The following IRGM variants were observed in gnomAD, a reference collection of about 807,000 sequenced individuals.
IRGM encodes immunity related GTPase M, also known as immunity-related GTPase family M protein.
For synonymous variants in IRGM, 98 were observed against 80.6 expected, an observed-to-expected ratio of 1.22 and a Z score of -1.16; for missense variants, 288 against 219.9, an observed-to-expected ratio of 1.31 and a Z score of -1.96.
chr5:150,869,869 G>C (rs1018336888), intron 1 of IRGM, among the ~76,000 whole-genome samples: 20 of 152,098 alleles, frequency 1.3e-4, no homozygotes, highest in African/African-American at 3.9e-4. Flanking sequence ...AAGAGGATCA[G>C]CTTTGATTAT....
chr5:150,851,311 C>G (rs1753971387), downstream of IRGM, among the ~76,000 whole-genome samples: 1 of 152,154 alleles, frequency 6.6e-6, no homozygotes, highest in African/African-American at 2.4e-5. Context: ...TGCACTCCAT[C>G]TTCCTCCCCC....
chr5:150,894,286 C>T (rs908917519), intron 3 of IRGM: 17 of 152,156 alleles, frequency 1.1e-4, no homozygotes, highest in African/African-American at 4.1e-4. Context: ...GTTCTCAAGG[C>T]TATACAGGCA....
At chr5:150,856,893 ATAT>A (rs200981929) in intron 1 of IRGM, among the ~76,000 whole-genome samples, 1,732 of 136,926 alleles carry the variant, frequency 0.013, 28 homozygotes, top group African/African-American at 0.044. Context: ...TATTAATTAA[ATAT>A]TATTAAATAA....
intron 1 of IRGM, among the ~76,000 whole-genome samples, chr5:150,854,377 G>A (rs1414499641): frequency 4.6e-5 from 7 of 152,020 alleles, no homozygotes; most frequent in Non-Finnish European, 8.8e-5. Flanking sequence ...TTTTTATAAT[G>A]TCCATGTATT....
intron 3 of IRGM, chr5:150,896,821 T>C (rs771609792): frequency 6.2e-7 from 1 of 1,613,744 alleles, no homozygotes; most frequent in South Asian, 1.1e-5. Flanking sequence ...TTGTCTTGAT[T>C]CTCTAGAAAT....
intron 3 of IRGM, among the ~76,000 whole-genome samples, chr5:150,900,340 C>T (rs1754949431): frequency 6.6e-6 from 1 of 152,042 alleles, no homozygotes; most frequent in African/African-American, 2.4e-5. Context: ...TAAAATCACT[C>T]TGCCCTTTCT....
rs758335779 is a variant in IRGM at position 150,848,640 on chromosome 5, C to T, written c.517C>T (p.Leu173Phe). Reference protein sequence around the residue: ...LQIRENVLENLQKERVCEY With the variant: ...LQIRENVLENFQKERVCEY ...GATCAGAGAAAATGTCCTGGAAAAT[C>T]TCCAGAAGGAGCGGGTATGTGAATA... The change falls in exon 2 of 2, where the codon CTC becomes TTC. Residue 173 changes from leucine (L) to phenylalanine (F), a missense_variant. Leu to Phe is a conservative substitution (Grantham distance 22). Coordinates refer to ENST00000522154, the MANE Select transcript of IRGM (RefSeq NM_001145805.2). The T allele has an allele frequency of 2.0e-4, 312 of 1,543,924 alleles. No homozygotes were observed. Among genetic ancestry groups the T allele is most frequent in the Non-Finnish European group, 2.6e-4 (300 of 1,141,198 alleles).
At chr5:150,887,380 G>A (rs967975287) in intron 3 of IRGM, among the ~76,000 whole-genome samples, 1 of 151,928 alleles carries the variant, frequency 6.6e-6, no homozygotes. Context: ...GAGACAATCA[G>A]ACAACAATAA....
At chr5:150,851,644 A>G (rs1753977629), downstream of IRGM, among the ~76,000 whole-genome samples, 1 of 152,236 alleles carries the variant, frequency 6.6e-6, no homozygotes, top group African/African-American at 2.4e-5. Context: ...GCTTGATTCA[A>G]TCCCTTGCCA....
At chr5:150,873,622 T>G (rs1754321248) in intron 1 of IRGM, among the ~76,000 whole-genome samples, 1 of 151,374 alleles carries the variant, frequency 6.6e-6, no homozygotes, top group African/African-American at 2.5e-5. Flanking sequence ...TAATGGAGTT[T>G]TAGCTTTTGT....
At chr5:150,850,063 T>TA (rs1406215023), downstream of IRGM, among the ~76,000 whole-genome samples, 1 of 152,196 alleles carries the variant, frequency 6.6e-6, no homozygotes, top group East Asian at 1.9e-4. Flanking sequence ...AAGCATTCAT[T>TA]AAAAAACCAA....
At chr5:150,866,148 C>T (rs10051412) in intron 1 of IRGM, among the ~76,000 whole-genome samples, 31,204 of 152,124 alleles carry the variant, frequency 0.21, 5,098 homozygotes, top group African/African-American at 0.44. Flanking sequence ...TGAGTTTCCA[C>T]GGTTTTGTGA....
intron 1 of IRGM, among the ~76,000 whole-genome samples, chr5:150,858,657 G>T (rs1253497192): frequency 6.6e-6 from 1 of 151,632 alleles, no homozygotes; most frequent in African/African-American, 2.4e-5. Flanking sequence ...TTGTAAGTTG[G>T]ATTCCTAGGT....
At chr5:150,895,374 G>A (rs1451572438) in intron 3 of IRGM, 1 of 1,354,306 alleles carries the variant, frequency 7.4e-7, no homozygotes, top group African/African-American at 1.5e-5. Context: ...TGGGTTTCTA[G>A]TAATTATTAA....
intron 3 of IRGM, chr5:150,898,017 C>A (rs1445190289): frequency 6.3e-7 from 1 of 1,588,408 alleles, no homozygotes; most frequent in African/African-American, 1.4e-5. Flanking sequence ...ACATAAACCT[C>A]AGGCACCAAT....
downstream of IRGM, among the ~76,000 whole-genome samples, chr5:150,850,744 C>T (rs554094407): frequency 1.3e-4 from 20 of 152,246 alleles, no homozygotes; most frequent in African/African-American, 4.3e-4. Flanking sequence ...TTTGTAGAGA[C>T]AAGGTCTCAC....
chr5:150,887,876 A>T (rs1328759577), intron 3 of IRGM, among the ~76,000 whole-genome samples: 1 of 152,038 alleles, frequency 6.6e-6, no homozygotes, highest in Non-Finnish European at 1.5e-5. Context: ...TACAGAGACC[A>T]GTAACACTAT....
chr5:150,871,457 C>A (rs1231031706), intron 1 of IRGM, among the ~76,000 whole-genome samples: 1 of 152,176 alleles, frequency 6.6e-6, no homozygotes, highest in Non-Finnish European at 1.5e-5. Context: ...GTCTTCTCAG[C>A]TGATCAAACT....
At chr5:150,849,720 C>A (rs1753946121), downstream of IRGM, among the ~76,000 whole-genome samples, 1 of 151,150 alleles carries the variant, frequency 6.6e-6, no homozygotes, top group Non-Finnish European at 1.5e-5. Flanking sequence ...GATTCTCTTG[C>A]CTCAGCCTCC....
Sources: allele counts gnomAD v4.1 joint callset (sites outside exome capture counted in the v4.1 genomes callset), GRCh38; gene constraint gnomAD v4.1.1; transcripts MANE v1.5; gene names NCBI Gene and HGNC (gene_info 2026-07-23, HGNC 2026-07-21).